Variants in SDK1 observed in about 807,000 individuals in gnomAD.
The protein encoded by SDK1 is sidekick cell adhesion molecule 1.
Under a neutral mutation model 245.5 loss-of-function variants are expected in SDK1, and 157 were observed. The ratio of observed to expected loss-of-function variants is 0.64; its 90% CI spans 0.56 to 0.73. SDK1 has a LOEUF of 0.73. Ranked by LOEUF, SDK1 falls within the 30% of genes least tolerant of loss-of-function variation. The pLI is 0.00. For synonymous variants in SDK1, 1,647 were observed against 1,278.5 expected (o/e 1.29, Z -6.15); for missense variants, 3,583 against 3,002.3 (o/e 1.19, Z -4.52).
At chr7:3,754,792 C>T (rs112235908) in intron 4 of SDK1, among the ~76,000 whole-genome samples, 61 of 152,274 alleles carry the variant, frequency 4.0e-4, no homozygotes, top group African/African-American at 1.3e-3. Flanking sequence ...ATTCACTAAA[C>T]AGCTAGTGTG....
intron 1 of SDK1, among the ~76,000 whole-genome samples, chr7:3,410,096 A>C (rs989687977): frequency 6.6e-6 from 1 of 152,234 alleles, no homozygotes; most frequent in South Asian, 2.1e-4. Flanking sequence ...TGTCTGGCAC[A>C]TAATAAGTAA....
At chr7:3,308,476 C>T (rs1191234170) in intron 1 of SDK1, among the ~76,000 whole-genome samples, 1 of 152,064 alleles carries the variant, frequency 6.6e-6, no homozygotes, top group East Asian at 1.9e-4. Flanking sequence ...GCTTAACTGG[C>T]ACTTTATTGA....
chr7:3,635,722 C>G (rs1452987892), intron 2 of SDK1, among the ~76,000 whole-genome samples: 1 of 151,394 alleles, frequency 6.6e-6, no homozygotes, highest in Non-Finnish European at 1.5e-5. Context: ...TTTCTTTTTT[C>G]TTGAGACAGG....
intron 1 of SDK1, among the ~76,000 whole-genome samples, chr7:3,310,769 T>A (rs901874505): frequency 6.6e-6 from 1 of 152,168 alleles, no homozygotes; most frequent in Non-Finnish European, 1.5e-5. Context: ...TAGCATACTG[T>A]TTAAGAGGAT....
At chr7:4,061,994 AG>A (rs1355955350) in intron 19 of SDK1, among the ~76,000 whole-genome samples, 3 of 70,860 alleles carry the variant, frequency 4.2e-5, no homozygotes, top group Non-Finnish European at 7.6e-5. Flanking sequence ...GGGTGGGGGG[AG>A]GGGGGAGGGA....
At chr7:3,420,152 A>G (rs573794364) in intron 1 of SDK1, among the ~76,000 whole-genome samples, 3 of 152,344 alleles carry the variant, frequency 2.0e-5, no homozygotes, top group South Asian at 4.2e-4. Context: ...TTAATATTCA[A>G]TGTGGTGTCC....
intron 5 of SDK1, among the ~76,000 whole-genome samples, chr7:3,915,453 G>C (rs190547216): frequency 3.8e-4 from 58 of 152,274 alleles, no homozygotes; most frequent in African/African-American, 1.3e-3. Context: ...TTGTGGTAGT[G>C]AACAAGTCTC....
At chr7:4,240,030 G>T (rs1044719202) in intron 42 of SDK1, among the ~76,000 whole-genome samples, 2 of 152,154 alleles carry the variant, frequency 1.3e-5, no homozygotes, top group Non-Finnish European at 2.9e-5. Context: ...TCAAAGAAAG[G>T]ATTTATTTTT....
chr7:4,150,794 T>G (rs1347854286), intron 30 of SDK1, among the ~76,000 whole-genome samples: 2 of 152,010 alleles, frequency 1.3e-5, no homozygotes, highest in Admixed American at 1.3e-4. Context: ...AACAGGGGGT[T>G]TCAAAGAGAA....
chr7:4,015,369 G>C (rs1786313915), intron 16 of SDK1, among the ~76,000 whole-genome samples: 1 of 152,194 alleles, frequency 6.6e-6, no homozygotes, highest in African/African-American at 2.4e-5. Flanking sequence ...ATTACAGATG[G>C]TGCTTGGTGC....
intron 1 of SDK1, among the ~76,000 whole-genome samples, chr7:3,356,839 C>T (rs1346806907): frequency 6.6e-6 from 1 of 151,854 alleles, no homozygotes; most frequent in Non-Finnish European, 1.5e-5. Flanking sequence ...CAGTGGATCA[C>T]GAGGTCAGGA....
intron 13 of SDK1, among the ~76,000 whole-genome samples, chr7:3,975,324 A>G (rs1202586389): frequency 6.6e-6 from 1 of 152,222 alleles, no homozygotes; most frequent in Non-Finnish European, 1.5e-5. Context: ...TCATCAAGGC[A>G]GTGGCCAGCT....
intron 4 of SDK1, among the ~76,000 whole-genome samples, chr7:3,653,781 C>G (rs981211002): frequency 3.9e-5 from 6 of 152,128 alleles, no homozygotes; most frequent in Admixed American, 3.9e-4. Flanking sequence ...CCTTCTGGAG[C>G]TGCTCCTTTG....
At chr7:3,990,786 T>G (rs1390312484) in intron 14 of SDK1, among the ~76,000 whole-genome samples, 1 of 152,178 alleles carries the variant, frequency 6.6e-6, no homozygotes, top group African/African-American at 2.4e-5. Context: ...TGGACCGTCT[T>G]CCAAAACAGA....
chr7:4,148,342 G>A (rs923419006), intron 29 of SDK1, among the ~76,000 whole-genome samples: 61 of 152,280 alleles, frequency 4.0e-4, no homozygotes, highest in African/African-American at 1.3e-3. Context: ...TATTCCTTCC[G>A]CCGCGGAACT....
At chr7:3,956,214 C>T (rs1054590419) in intron 7 of SDK1, among the ~76,000 whole-genome samples, 1 of 152,196 alleles carries the variant, frequency 6.6e-6, no homozygotes, top group Non-Finnish European at 1.5e-5. Flanking sequence ...CCCTCTTGCC[C>T]TCTGAAGAGT....
chr7:3,844,020 G>C (rs1481039712), intron 5 of SDK1, among the ~76,000 whole-genome samples: 1 of 152,128 alleles, frequency 6.6e-6, no homozygotes, highest in Non-Finnish European at 1.5e-5. Context: ...GCCCAGGCTG[G>C]AGTACAGTGG....
chr7:3,600,780 C>T lies in SDK1; in HGVS notation c.299-18300C>T, dbSNP rs552969418. On this transcript the variant is annotated intron_variant, in intron 1 of 44. Coordinates refer to ENST00000404826, the MANE Select transcript of SDK1 (RefSeq NM_152744.4). ...AGCCAGGATGGTCTCGATCTCCTGA[C>T]CTCATGATCCGGCCATCTCGGCCTC... Among the ~76,000 whole-genome samples, 64 of 152,134 alleles carry T rather than the reference C, an allele frequency of 4.2e-4. No individual in the cohort carries two copies. In the South Asian group the frequency reaches 0.011, roughly 26 times the overall value.
chr7:4,190,135 G>C (rs1334173936), intron 35 of SDK1, among the ~76,000 whole-genome samples: 3 of 152,194 alleles, frequency 2.0e-5, no homozygotes, highest in Non-Finnish European at 4.4e-5. Context: ...AATGGCACCT[G>C]TTTACAGGGT....
Sources: gnomAD v4.1 joint callset for allele counts (sites outside exome capture counted in the v4.1 genomes callset) on GRCh38, gnomAD v4.1.1 for gene constraint, MANE v1.5 for transcripts, NCBI Gene and HGNC (gene_info 2026-07-23, HGNC 2026-07-21) for gene names.